The following PSMG4 variants were observed in gnomAD, a reference collection of about 807,000 sequenced individuals.
The protein encoded by PSMG4 is proteasome (prosome, macropain) assembly chaperone 4.
PSMG4 carries 10 observed loss-of-function variants against 11.0 expected under a neutral mutation model. The ratio of observed to expected loss-of-function variants is 0.91; its 90% CI spans 0.56 to 1.54. The LOEUF is 1.54. PSMG4 is among the 40% of genes most tolerant of loss of function. The probability of loss-of-function intolerance (pLI) is 0.00; values close to 1 mark genes in which losing one functional copy is unlikely to be tolerated. For missense variants in PSMG4, 198 were observed against 160.9 expected (o/e 1.23, Z -1.25); for synonymous variants, 95 against 71.3 (o/e 1.33, Z -1.68).
intron 2 of PSMG4, 195 bp downstream of exon 2, chr6:3,263,954 C>A: frequency 2.9e-6 from 4 of 1,366,632 alleles, no homozygotes; most frequent in Non-Finnish European, 2.9e-6. Flanking sequence ...TCATCACCAC[C>A]GTCCCAGGGC....
chr6:3,260,667 G>A (rs1757957258), intron 1 of PSMG4, among the ~76,000 whole-genome samples: 1 of 152,198 alleles, frequency 6.6e-6, no homozygotes, highest in Non-Finnish European at 1.5e-5. Flanking sequence ...TACATCTGCA[G>A]AGACCCTGTT....
chr6:3,257,706 G>A (rs180708228), upstream of PSMG4, among the ~76,000 whole-genome samples: 1 of 152,306 alleles, frequency 6.6e-6, no homozygotes, highest in African/African-American at 2.4e-5. Flanking sequence ...TAATCTGTGT[G>A]GCAGGAAGCA....
chr6:3,259,611 C>T (rs1757897324), intron 1 of PSMG4, among the ~76,000 whole-genome samples: 1 of 152,220 alleles, frequency 6.6e-6, no homozygotes, highest in African/African-American at 2.4e-5. Context: ...ATCAGGCTCT[C>T]TTCTCCAAAC....
intron 1 of PSMG4, among the ~76,000 whole-genome samples, chr6:3,262,815 G>A (rs1758041450): frequency 6.7e-6 from 1 of 149,794 alleles, no homozygotes; most frequent in South Asian, 2.1e-4. Context: ...CCCTTTGGAA[G>A]CTAGACCTTC....
chr6:3,258,271 G>A (rs149636955), upstream of PSMG4, among the ~76,000 whole-genome samples: 55 of 152,356 alleles, frequency 3.6e-4, no homozygotes, highest in African/African-American at 1.3e-3. Context: ...TTTTGCAGAT[G>A]AGGAAACTGA....
In PSMG4 at chr6:3,267,515, G is replaced by T. The variant is rs1420070012; in HGVS notation, c.251-76G>T. 2.0e-6 allele frequency: 3 copies of T among 1,501,810 alleles called. No individual in the cohort carries two copies. In the African/African-American group the frequency reaches 4.2e-5, roughly 21 times the overall value. The allele number at this position is 1,501,810 out of a possible 1,614,324, so 93.0% of individuals were successfully genotyped here. A position where few individuals can be genotyped will look rare whatever the true frequency, so the allele number is the denominator to read the frequency against. Reference sequence around the variant, plus strand: ...CCATCCTCTTTCTGAGCATTTCCCAGCTGCACGTGGCTGTGAGGAACACGG... The same window carrying T: ...CCATCCTCTTTCTGAGCATTTCCCATCTGCACGTGGCTGTGAGGAACACGG... On this transcript the variant is annotated intron_variant, in intron 2 of 2. Transcript: ENST00000438998.
chr6:3,254,605 G>C (rs902000230), upstream of PSMG4, among the ~76,000 whole-genome samples: 9 of 152,182 alleles, frequency 5.9e-5, no homozygotes, highest in Admixed American at 3.3e-4. Context: ...AATAATTCCA[G>C]TAGGCGTAGC....
intron 1 of PSMG4, among the ~76,000 whole-genome samples, chr6:3,262,868 A>AC (rs1486409233): frequency 1.3e-3 from 1 of 776 alleles, no homozygotes; most frequent in East Asian, 3.7e-3. Context: ...AAATGTAGAG[A>AC]CAGATCTTAC....
chr6:3,263,324 TTTC>T (rs1253657058), intron 1 of PSMG4, among the ~76,000 whole-genome samples: 41 of 152,246 alleles, frequency 2.7e-4, no homozygotes, highest in Admixed American at 2.0e-4. Context: ...TGTGAGTCAC[TTTC>T]TTCTTGCTGT....
At chr6:3,263,053 A>C (rs4400256) in intron 1 of PSMG4, among the ~76,000 whole-genome samples, 104,006 of 152,088 alleles carry the variant, frequency 0.68, 38,555 homozygotes, top group Non-Finnish European at 0.83. Flanking sequence ...TTGATCTGAG[A>C]ATCATTTGTA....
At chr6:3,256,613 G>C (rs1757775566), upstream of PSMG4, among the ~76,000 whole-genome samples, 1 of 152,150 alleles carries the variant, frequency 6.6e-6, no homozygotes, top group South Asian at 2.1e-4. Flanking sequence ...ATGTTTTTGG[G>C]GGGTGACAAC....
chr6:3,256,576 T>A (rs1364428760), upstream of PSMG4, among the ~76,000 whole-genome samples: 1 of 152,194 alleles, frequency 6.6e-6, no homozygotes, highest in African/African-American at 2.4e-5. Context: ...CCTCTCCAGT[T>A]GTTGGGTTCC....
chr6:3,255,244 CTGTTGGGTTCTG>C (rs1561837010), upstream of PSMG4: 4 of 1,548,568 alleles, frequency 2.6e-6, no homozygotes, highest in Non-Finnish European at 2.6e-6. Context: ...GCCTTCCATG[CTGTTGGGTTCTG>C]TGTTACCACG....
chr6:3,263,359 T>C (rs1050337137), intron 1 of PSMG4, among the ~76,000 whole-genome samples: 1 of 152,252 alleles, frequency 6.6e-6, no homozygotes, highest in African/African-American at 2.4e-5. Context: ...TCTTGTTTGC[T>C]TCCCTTTTGG....
At chr6:3,255,593 C>T (rs77520816), upstream of PSMG4, among the ~76,000 whole-genome samples, 895 of 152,290 alleles carry the variant, frequency 5.9e-3, 30 homozygotes, top group East Asian at 0.095. Flanking sequence ...AGACCCACTG[C>T]CTGAGTGAGG....
chr6:3,266,215 GCCTGCA>G (rs1045512368), intron 2 of PSMG4: 157 of 151,970 alleles, frequency 1.0e-3, no homozygotes, highest in African/African-American at 3.7e-3. Flanking sequence ...CTGGGCCTGC[GCCTGCA>G]CCTGCGCCCC....
upstream of PSMG4, chr6:3,258,909 G>C (rs976757943): frequency 1.9e-6 from 2 of 1,073,012 alleles, no homozygotes; most frequent in Non-Finnish European, 2.4e-6. Context: ...CGCCCTTCCG[G>C]GGCCGAAAGC....
At chr6:3,255,033 T>A (rs1447380455), upstream of PSMG4, 2 of 1,549,684 alleles carry the variant, frequency 1.3e-6, no homozygotes, top group Non-Finnish European at 1.7e-6. Flanking sequence ...TAATGGCGCT[T>A]TCTGATTCTC....
At chr6:3,254,820 G>A (rs1757691358), upstream of PSMG4, among the ~76,000 whole-genome samples, 1 of 152,184 alleles carries the variant, frequency 6.6e-6, no homozygotes, top group Admixed American at 6.5e-5. Flanking sequence ...CACCAATTCT[G>A]GACACAGTGG....
Sources: gnomAD v4.1 joint callset for allele counts (sites outside exome capture counted in the v4.1 genomes callset) on GRCh38, gnomAD v4.1.1 for gene constraint, MANE v1.5 for transcripts, NCBI Gene and HGNC (gene_info 2026-07-23, HGNC 2026-07-21) for gene names.